Variants in PDZD7 observed in about 807,000 individuals in gnomAD.
The protein encoded by PDZD7 is PDZ domain containing 7.
In PDZD7, 72 loss-of-function variants were observed where a neutral mutation model predicts 84.7. The observed-to-expected ratio is 0.85, with a 90% confidence interval of 0.70 to 1.03. The LOEUF (loss-of-function observed/expected upper bound fraction) is 1.03. Ranked by LOEUF, PDZD7 falls within the 50% of genes least tolerant of loss-of-function variation. PDZD7 has a pLI of 0.00. For synonymous variants in PDZD7, 594 were observed against 580.7 expected (o/e 1.02, Z -0.33); for missense variants, 1,490 against 1,412.9 (o/e 1.05, Z -0.87).
intron 2 of PDZD7, among the ~76,000 whole-genome samples, chr10:101,024,473 C>T (rs1374098227): frequency 6.6e-6 from 1 of 152,086 alleles, no homozygotes; most frequent in East Asian, 1.9e-4. Context: ...AAATCCCTGG[C>T]CTCAAGCAAT....
rs141181035 is a variant in PDZD7, at chr10:101,018,210, A to G, written c.1411T>C (p.Phe471Leu). The part of the protein sequence containing the change: ...LQRSKTLMNL[F>L]FKGGRQGRLA... ...CTCCCCTGCCGCCCTCCCTTGAAGA[A>G]GAGGTTCATCAGCGTCTTGGAGCGC... is the stretch of plus-strand genomic sequence containing the variant. The change falls in exon 9 of 17, where the codon TTC becomes CTC. Residue 471 changes from phenylalanine to leucine, a missense_variant. Physicochemically the swap from Phe to Leu is conservative, Grantham distance 22. Coordinates refer to ENST00000619208, the MANE Select transcript of PDZD7 (RefSeq NM_001195263.2). The G allele has an allele frequency of 8.7e-4, 1,397 of 1,614,186 alleles. No individual in the cohort carries two copies. Among genetic ancestry groups the G allele is most frequent in the Non-Finnish European group, 1.1e-3 (1,321 of 1,180,028 alleles).
In PDZD7 at chr10:101,010,443, G is replaced by A. The variant is rs1398407965; in HGVS notation, c.2446C>T (p.Arg816Trp). 2 of 1,535,946 alleles carry A rather than the reference G, an allele frequency of 1.3e-6. No homozygotes were observed. Among genetic ancestry groups the A allele is most frequent in the South Asian group, 1.2e-5 (1 of 84,064 alleles). The part of the protein sequence containing the change: ...SMTNGRYHKP[R>W]KARPPLPRPL... ...CGTGGCAGAGGGGGTCTGGCCTTCCGAGGCTTGTGGTAGCGCCCATTGGTC... is the reference window on the plus strand; with the variant it reads ...CGTGGCAGAGGGGGTCTGGCCTTCCAAGGCTTGTGGTAGCGCCCATTGGTC... Residue 816 changes from arginine (R) to tryptophan (W), a missense_variant, in exon 15 of 17, where the codon CGG (arginine) becomes TGG (tryptophan). By Grantham distance (101) the Arg-to-Trp change is moderately radical. Transcript: ENST00000619208.
chr10:101,025,578 C>A (rs113137370), intron 2 of PDZD7, among the ~76,000 whole-genome samples: 11 of 148,930 alleles, frequency 7.4e-5, no homozygotes, highest in Non-Finnish European at 3.0e-5. Flanking sequence ...GACAGAGTCT[C>A]GCTCTGTCGC....
At chr10:101,022,961 G>A (rs1336728554) in intron 4 of PDZD7, among the ~76,000 whole-genome samples, 10 of 151,454 alleles carry the variant, frequency 6.6e-5, no homozygotes, top group Admixed American at 1.3e-4. Flanking sequence ...TAGTACAGAC[G>A]GGGTTTCTCC....
At chr10:101,019,569 T>TG (rs1852947392) in intron 7 of PDZD7, among the ~76,000 whole-genome samples, 1 of 133,092 alleles carries the variant, frequency 7.5e-6, no homozygotes, top group African/African-American at 3.1e-5. Context: ...CTCCTCCTCC[T>TG]CCTCCTCCTC....
rs773503851 is a variant in PDZD7 at position 101,012,167 on chromosome 10, C to G, written c.1841G>C (p.Arg614Thr). 31 of 1,550,528 alleles carry G rather than the reference C, an allele frequency of 2.0e-5. No homozygotes were observed. The highest frequency in any genetic ancestry group is 3.9e-5 in the Admixed American group (2 of 51,014). The change falls in exon 12 of 17, where the codon AGG becomes ACG. Residue 614 changes from arginine to threonine, a missense_variant and splice_region_variant. By Grantham distance (71) the Arg-to-Thr change is moderately conservative. Transcript: ENST00000619208. ...AGCCCTCTCTGCAACCTCCTCCCACCTGATGTCCTGCAGCAGTAGCAGCTT... is the reference window on the plus strand; with the variant it reads ...AGCCCTCTCTGCAACCTCCTCCCACGTGATGTCCTGCAGCAGTAGCAGCTT... ...PEKLLLLQDI[R>T]SVVAPTDLGR...
Position 101,018,821 on chromosome 10 carries a change from C to G in PDZD7, c.1324+1G>C. ...GCAGCCGCCACCCATCCCCCACGTA[C>G]CCCACAAGGTCAGATAGCTCTGGGA... On this transcript the variant is annotated splice_donor_variant, in intron 8 of 16. Transcript: ENST00000619208. LOFTEE classifies it high-confidence loss of function. 1 of 1,590,150 alleles carries G rather than the reference C, an allele frequency of 6.3e-7. No homozygotes were observed. Among genetic ancestry groups the G allele is most frequent in the South Asian group, 1.1e-5 (1 of 88,046 alleles).
At chr10:101,020,011 C>T (rs141375120) in intron 7 of PDZD7, among the ~76,000 whole-genome samples, 1,885 of 151,860 alleles carry the variant, frequency 0.012, 18 homozygotes, top group Middle Eastern at 0.048. Flanking sequence ...TCACCACAGC[C>T]TCAAACTCCT....
intron 8 of PDZD7, 103 bp from the exon 9 acceptor site, chr10:101,018,399 C>A: frequency 8.0e-7 from 1 of 1,252,856 alleles, no homozygotes; most frequent in Non-Finnish European, 1.1e-6. Flanking sequence ...GAGGAGAGGG[C>A]AGACAGGATC....
chr10:101,022,281 G>A lies in PDZD7; in HGVS notation c.647C>T (p.Thr216Ile). 6.2e-7 allele frequency: 1 copy of A among 1,614,222 alleles called. No homozygotes were observed. Among genetic ancestry groups the A allele is most frequent in the South Asian group, 1.1e-5 (1 of 91,082 alleles). ...GVRRIVHLYTTSDDFCLGFNI... is the reference protein window; with the variant it reads ...GVRRIVHLYTISDDFCLGFNI... ...GAAGCCCAGGCAGAAGTCGTCGGAG[G>A]TTGTGTATAGGTGGACGATGCGCCG... The change falls in exon 5 of 17, where the codon ACC becomes ATC. Residue 216 changes from threonine to isoleucine, a missense_variant. By Grantham distance (89) the Thr-to-Ile change is moderately conservative. Coordinates refer to ENST00000619208, the MANE Select transcript of PDZD7 (RefSeq NM_001195263.2).
At chr10:101,009,812 G>A (rs1852335749) in intron 15 of PDZD7, among the ~76,000 whole-genome samples, 1 of 151,978 alleles carries the variant, frequency 6.6e-6, no homozygotes, top group Admixed American at 6.5e-5. Flanking sequence ...TCTCCATGTT[G>A]GTCAGGCTGG....
chr10:101,010,456 G>C lies in PDZD7; in HGVS notation c.2433C>G (p.Arg811=), dbSNP rs1852354198. The change falls in exon 15 of 17, where the codon CGC becomes CGG. Residue 811 remains arginine (R), a synonymous_variant. Transcript: ENST00000619208. ...PTPAPSMTNG[R]YHKPRKARPP... is the part of the protein sequence containing the mutation. ...GTCTGGCCTTCCGAGGCTTGTGGTA[G>C]CGCCCATTGGTCATGCTGGGGGCAG... The C allele has an allele frequency of 6.5e-7, 1 of 1,535,992 alleles. No homozygotes were observed. The highest frequency in any genetic ancestry group is 8.7e-7 in the Non-Finnish European group (1 of 1,146,822).
intron 11 of PDZD7, among the ~76,000 whole-genome samples, chr10:101,012,689 C>T (rs969720228): frequency 1.3e-5 from 2 of 152,164 alleles, no homozygotes; most frequent in Non-Finnish European, 2.9e-5. Flanking sequence ...GCTCTGGTGC[C>T]GGAAAAGGAT....
chr10:101,030,091 C>G lies in PDZD7; in HGVS notation c.129G>C (p.Leu43=). 6.2e-7 allele frequency: 1 copy of G among 1,614,198 alleles called. No individual in the cohort carries two copies. The highest frequency in any genetic ancestry group is 8.5e-7 in the Non-Finnish European group (1 of 1,180,030). ...SDSGSTATRY[L]LRKQQRLLNG... ...TCAGCAGCCGTTGTTGCTTCCTTAG[C>G]AGGTATCGCGTTGCGGTGGAGCCTG... Residue 43 remains leucine, a synonymous_variant, in exon 2 of 17, where the codon CTG becomes CTC. Coordinates refer to ENST00000619208, the MANE Select transcript of PDZD7 (RefSeq NM_001195263.2).
In PDZD7 at chr10:101,018,760, T is replaced by C. The variant is rs1239126431; in HGVS notation, c.1324+62A>G. ...AGGGAGGTTTGAGCCCGGGACAGGA[T>C]GTGAGACAGGTTTTGGACCAGAGGC... On this transcript the variant is annotated intron_variant, in intron 8 of 16. Transcript: ENST00000619208. The C allele has an allele frequency of 5.3e-6, 8 of 1,502,376 alleles. No homozygotes were observed. The East Asian group carries it at 1.9e-4, about 35-fold the overall frequency. The allele number at this position is 1,502,376 out of a possible 1,614,324, so 93.1% of individuals were successfully genotyped here.
rs1399980827 is a variant in PDZD7, at chr10:101,016,381, T to A, written c.1569A>T (p.Arg523Ser). The change falls in exon 10 of 17, where the codon AGA becomes AGT. Residue 523 changes from arginine (R) to serine (S), a missense_variant. By Grantham distance (110) the Arg-to-Ser change is moderately radical. Transcript: ENST00000619208. ...PVQKFVTWRL[R>S]RDQERGRALL... Reference sequence around the variant, plus strand: ...GTAAAGGGATGCATGAATTACCACGTCTCAGTCTCCAGGTGACAAACTTCT... The same window carrying A: ...GTAAAGGGATGCATGAATTACCACGACTCAGTCTCCAGGTGACAAACTTCT... The A allele has an allele frequency of 6.4e-7, 1 of 1,550,636 alleles. No individual in the cohort carries two copies. The highest frequency in any genetic ancestry group is 8.7e-7 in the Non-Finnish European group (1 of 1,147,002).
At chr10:101,009,400 G>C in intron 15 of PDZD7, 50 bp from the exon 16 acceptor site, 1 of 1,430,912 alleles carries the variant, frequency 7.0e-7, no homozygotes, top group South Asian at 1.2e-5. Context: ...ACCCCAAAAT[G>C]CAAGCTCCCT....
At position 101,020,673 on chromosome 10, in the gene PDZD7, G is replaced by A. The variant is rs752366856; in HGVS notation, c.873C>T (p.Thr291=). The A allele has an allele frequency of 1.1e-5, 18 of 1,613,656 alleles. No homozygotes were observed. Among genetic ancestry groups the A allele is most frequent in the Middle Eastern group, 1.6e-4 (1 of 6,074 alleles). The stretch of plus-strand genomic sequence containing the variant: ...TCTCCTTGTAGGCAGGATACCGGCC[G>A]GTCTCCTGGGGAGGGGATGGTGGGC... ...QTHIMLTIKE[T]GRYPAYKEMV... The change falls in exon 7 of 17, where the codon ACC becomes ACT. Residue 291 remains threonine, a synonymous_variant. Transcript: ENST00000619208.
chr10:101,010,638 G>A lies in PDZD7; in HGVS notation c.2251C>T (p.Leu751=). 1 of 1,505,894 alleles carries A rather than the reference G, an allele frequency of 6.6e-7. No individual in the cohort carries two copies. Among genetic ancestry groups the A allele is most frequent in the South Asian group, 1.3e-5 (1 of 79,866 alleles). The allele number at this position is 1,505,894 out of a possible 1,614,324, so 93.3% of individuals were successfully genotyped here. A position where few individuals can be genotyped will look rare whatever the true frequency, so the allele number is the denominator to read the frequency against. The change falls in exon 15 of 17, where the codon CTG becomes TTG. Residue 751 remains leucine (L), a synonymous_variant. Transcript: ENST00000619208. ...VAPRPLRPNW[L]LTEPLSREHP... ...TCTCGGCTCAGGGGTTCTGTCAGCA[G>A]CCAGTTAGGCCGCAGGGGCCGGGGA... is the stretch of plus-strand genomic sequence containing the variant.
Sources: gnomAD v4.1 joint callset for allele counts (sites outside exome capture counted in the v4.1 genomes callset) on GRCh38, gnomAD v4.1.1 for gene constraint, MANE v1.5 for transcripts, NCBI Gene and HGNC (gene_info 2026-07-23, HGNC 2026-07-21) for gene names.